The following LYRM1 variants were observed in gnomAD, a reference collection of about 807,000 sequenced individuals.
LYRM1 encodes LYR motif-containing protein 1.
A neutral mutation model predicts 14.9 loss-of-function variants in LYRM1; 14 were observed. The observed-to-expected ratio is 0.94, with a 90% CI of 0.62 to 1.47. The LOEUF is 1.47. Among genes scored for constraint, LYRM1 ranks in the 40% most tolerant of loss-of-function variants. The pLI is 0.00. For missense variants in LYRM1, 153 were observed against 149.9 expected, an observed-to-expected ratio of 1.02 and a Z score of -0.11; for synonymous variants, 43 against 56.2, an observed-to-expected ratio of 0.77 and a Z score of 1.05.
At chr16:20,902,379 T>C (rs1337409274) in intron 1 of LYRM1, 1 of 152,168 alleles carries the variant, frequency 6.6e-6, no homozygotes, top group Non-Finnish European at 1.5e-5. Context: ...AAAATCATAG[T>C]TGGAGATAAT....
At chr16:20,922,458 A>C (rs1292087372) in intron 3 of LYRM1, among the ~76,000 whole-genome samples, 1 of 152,198 alleles carries the variant, frequency 6.6e-6, no homozygotes, top group Non-Finnish European at 1.5e-5. Context: ...TTATCTAGAC[A>C]GAGATACATC....
At chr16:20,910,775 A>C (rs2082551593) in intron 1 of LYRM1, among the ~76,000 whole-genome samples, 1 of 145,616 alleles carries the variant, frequency 6.9e-6, no homozygotes, top group African/African-American at 2.5e-5. Flanking sequence ...CCCTGCCTCT[A>C]AAAAAAAAAA....
In LYRM1 at chr16:20,908,076, A is replaced by G. The variant is rs2082411612; in HGVS notation, c.-1+7187A>G. Reference sequence around the variant, plus strand: ...AAGGCCTACCAGGTAGTAGCACTGTAGTGAGCCCCTGCACTGGTGGCTTTT... The same window carrying G: ...AAGGCCTACCAGGTAGTAGCACTGTGGTGAGCCCCTGCACTGGTGGCTTTT... On this transcript the variant is annotated intron_variant, in intron 1 of 3. Coordinates refer to ENST00000567954, the MANE Select transcript of LYRM1 (RefSeq NM_001128302.3). Among the ~76,000 whole-genome samples, 3 of 152,272 alleles carry G rather than the reference A, an allele frequency of 2.0e-5. 1 individual carries two copies. The South Asian group carries it at 6.2e-4, about 32-fold the overall frequency.
intron 1 of LYRM1, among the ~76,000 whole-genome samples, chr16:20,911,892 C>T (rs1212484796): frequency 6.6e-6 from 1 of 151,788 alleles, no homozygotes; most frequent in African/African-American, 2.4e-5. Flanking sequence ...GCCACTGGAG[C>T]CAGCCTGAAG....
At position 20,915,642 on chromosome 16, in the gene LYRM1, G is replaced by A. The variant is rs766293281; in HGVS notation, c.87G>A (p.Gln29=). Residue 29 remains glutamine, a synonymous_variant, in exon 2 of 4, where the codon CAG becomes CAA. Coordinates refer to ENST00000567954, the MANE Select transcript of LYRM1 (RefSeq NM_001128302.3). ...LARKWQATSG[Q]MEDTIKEKQY... ...GGAAATGGCAGGCGACATCAGGGCA[G>A]ATGGAAGACACCATCAAAGAAAAAC... 4 of 1,614,042 alleles carry A rather than the reference G, an allele frequency of 2.5e-6. No homozygotes were observed. The African/African-American group carries it at 4.0e-5, about 16-fold the overall frequency.
rs2082050595 is a variant in LYRM1 at position 20,901,502 on chromosome 16, C to T, written c.-1+613C>T. 6.6e-6 allele frequency among the ~76,000 whole-genome samples: 1 copy of T among 151,924 alleles called. No individual in the cohort carries two copies. Among genetic ancestry groups the T allele is most frequent in the South Asian group, 2.1e-4 (1 of 4,810 alleles). ...AGGAGGCCACGGTTTTGCGGGGATC[C>T]GAGACAATGGGTTTTCTGGGTGGAG... On this transcript the variant is annotated intron_variant, in intron 1 of 3. Transcript: ENST00000567954. This position sits in a 1 kb window ranked among gnomAD's most constrained non-coding sequence, Gnocchi z 4.6.
chr16:20,902,941 C>T lies in LYRM1; in HGVS notation c.-1+2052C>T, dbSNP rs116875403. 1.4e-3 allele frequency among the ~76,000 whole-genome samples: 210 copies of T among 152,244 alleles called. 3 individuals are homozygous for T. The East Asian group carries it at 0.024, about 18-fold the overall frequency. On this transcript the variant is annotated intron_variant, in intron 1 of 3. Transcript: ENST00000567954. ...GGGGCTTTTGTCCCTGCCACTGCTG[C>T]CAAGCCCACCACAATTACGATCAGT... is the stretch of plus-strand genomic sequence containing the variant.
intron 3 of LYRM1, among the ~76,000 whole-genome samples, chr16:20,922,292 A>G (rs974826507): frequency 2.0e-5 from 3 of 152,032 alleles, no homozygotes; most frequent in Non-Finnish European, 4.4e-5. Context: ...GCCCAGCCCA[A>G]TCTTTTTTAA....
In LYRM1 at chr16:20,915,576, A is replaced by G; in HGVS notation, c.21A>G (p.Gln7=). The G allele has an allele frequency of 6.2e-7, 1 of 1,614,128 alleles. No individual in the cohort carries two copies. The highest frequency in any genetic ancestry group is 8.5e-7 in the Non-Finnish European group (1 of 1,180,006). Residue 7 remains glutamine, a synonymous_variant, in exon 2 of 4, where the codon CAA becomes CAG. Coordinates refer to ENST00000567954, the MANE Select transcript of LYRM1 (RefSeq NM_001128302.3). Reference sequence around the variant, plus strand: ...TGAAGATGACAACGGCAACACGACAAGAAGTCCTTGGCCTCTACCGCAGCA... The same window carrying G: ...TGAAGATGACAACGGCAACACGACAGGAAGTCCTTGGCCTCTACCGCAGCA... MTTATR[Q]EVLGLYRSIF... is the part of the protein sequence containing the mutation.
At chr16:20,920,075 C>A in intron 2 of LYRM1, 47 bp from the exon 3 acceptor site, 1 of 1,299,714 alleles carries the variant, frequency 7.7e-7, no homozygotes, top group Non-Finnish European at 1.1e-6. Context: ...ACTCTATGTA[C>A]CATTAGAAAG....
At chr16:20,918,048 G>A (rs934714570) in intron 2 of LYRM1, among the ~76,000 whole-genome samples, 1 of 151,972 alleles carries the variant, frequency 6.6e-6, no homozygotes, top group African/African-American at 2.4e-5. Context: ...CATGCTGGCC[G>A]CCTGTTCTGA....
At chr16:20,904,966 T>C (rs2082250865) in intron 1 of LYRM1, among the ~76,000 whole-genome samples, 1 of 152,300 alleles carries the variant, frequency 6.6e-6, no homozygotes, top group Middle Eastern at 3.4e-3. Context: ...AAGTATGCGC[T>C]GTGGTCTGAA....
intron 1 of LYRM1, among the ~76,000 whole-genome samples, chr16:20,912,879 C>A (rs941849846): frequency 2.6e-5 from 4 of 151,740 alleles, no homozygotes; most frequent in African/African-American, 9.7e-5. Context: ...CCAGCCTGAC[C>A]AACATGGTGA....
chr16:20,911,337 A>T (rs1233744602), intron 1 of LYRM1: 3 of 152,188 alleles, frequency 2.0e-5, no homozygotes, highest in Non-Finnish European at 4.4e-5. Flanking sequence ...TTTTGAGGTA[A>T]ACGTGCCCAC....
chr16:20,920,205 C>A lies in LYRM1; in HGVS notation c.243C>A (p.Tyr81Ter), dbSNP rs756619399. ...TTGGACTGCATTACAAGATTCCTTA[C>A]CCAAGGCCAGTAAGTGTGACTCCGG... Reference protein sequence around the residue: ...IEIGLHYKIPYPRPIHLPPMG... With the variant: ...IEIGLHYKIP Residue 81 changes from tyrosine to a stop codon, truncating the protein, a stop_gained, in exon 3 of 4, where the codon TAC becomes TAA. Transcript: ENST00000567954. LOFTEE classifies it high-confidence loss of function. The A allele has an allele frequency of 6.2e-7, 1 of 1,612,466 alleles. No individual in the cohort carries two copies. Among genetic ancestry groups the A allele is most frequent in the Non-Finnish European group, 8.5e-7 (1 of 1,178,488 alleles).
chr16:20,901,856 T>G lies in LYRM1; in HGVS notation c.-1+967T>G, dbSNP rs539812153. ...TGTTGAAAGGGCCGGCCGGGCGCGG[T>G]GGCTCACGCCTATAAACCCAGTACT... On this transcript the variant is annotated intron_variant, in intron 1 of 3. Coordinates refer to ENST00000567954, the MANE Select transcript of LYRM1 (RefSeq NM_001128302.3). The surrounding 1 kb of genome is among the most constrained non-coding windows in gnomAD (Gnocchi z 4.6). Among the ~76,000 whole-genome samples the G allele has an allele frequency of 6.6e-6, 1 of 152,324 alleles. No individual in the cohort carries two copies. Among genetic ancestry groups the G allele is most frequent in the South Asian group, 2.1e-4 (1 of 4,828 alleles).
upstream of LYRM1, chr16:20,900,364 C>T (rs1689512094): frequency 6.6e-6 from 1 of 151,808 alleles, no homozygotes; most frequent in Admixed American, 6.6e-5. Flanking sequence ...CATCTGCGGC[C>T]CACCGGCGGC....
chr16:20,904,252 G>A (rs1351529553), intron 1 of LYRM1, among the ~76,000 whole-genome samples: 3 of 152,170 alleles, frequency 2.0e-5, no homozygotes, highest in African/African-American at 7.2e-5. Flanking sequence ...GGTTACAGTA[G>A]CCTGATTGGA....
At chr16:20,923,510 A>AG (rs1176506611) in intron 3 of LYRM1, among the ~76,000 whole-genome samples, 1 of 151,130 alleles carries the variant, frequency 6.6e-6, no homozygotes, top group Non-Finnish European at 1.5e-5. Context: ...AAAAAAAAAA[A>AG]AAAGAAAGAA....
Sources: gnomAD v4.1 joint callset for allele counts (sites outside exome capture counted in the v4.1 genomes callset) on GRCh38, gnomAD v4.1.1 for gene constraint, Gnocchi (gnomAD v3.1) non-coding constraint, MANE v1.5 for transcripts, NCBI Gene and HGNC (gene_info 2026-07-23, HGNC 2026-07-21) for gene names.